Variants in MMP26 observed in about 807,000 individuals in gnomAD.
The protein encoded by MMP26 is matrix metalloproteinase-26.
A neutral mutation model predicts 31.0 loss-of-function variants in MMP26; 33 were observed. The observed-to-expected ratio is 1.06, with a 90% CI of 0.81 to 1.42. MMP26 has a LOEUF of 1.42. Among genes scored for constraint, MMP26 ranks in the 40% most tolerant of loss-of-function variants. The pLI is 0.00. For missense variants in MMP26, 347 were observed against 316.1 expected (o/e 1.10, Z -0.74); for synonymous variants, 122 against 114.9 (o/e 1.06, Z -0.40).
intron 2 of MMP26, among the ~76,000 whole-genome samples, chr11:4,799,320 AAG>A (rs1347847248): frequency 6.6e-6 from 1 of 152,092 alleles, no homozygotes; most frequent in African/African-American, 2.4e-5. Flanking sequence ...GTGGAAGGCA[AAG>A]AGAGAGCTGG....
chr11:4,854,548 T>G (rs1489543578), intron 2 of MMP26, among the ~76,000 whole-genome samples: 1 of 152,030 alleles, frequency 6.6e-6, no homozygotes, highest in Non-Finnish European at 1.5e-5. Flanking sequence ...CTTGAGTAGG[T>G]AAACAAAGCA....
At chr11:4,740,555 C>T (rs1488418602) in intron 1 of MMP26, among the ~76,000 whole-genome samples, 2 of 151,718 alleles carry the variant, frequency 1.3e-5, no homozygotes, top group African/African-American at 2.4e-5. Flanking sequence ...TGAGGGTGGG[C>T]GCCTGTAATC....
At chr11:4,820,829 T>C (rs926718493) in intron 2 of MMP26, among the ~76,000 whole-genome samples, 6 of 152,194 alleles carry the variant, frequency 3.9e-5, no homozygotes, top group Non-Finnish European at 8.8e-5. Context: ...AATTATATAA[T>C]GCATATAAAA....
At position 4,986,931 on chromosome 11, in the gene MMP26, CCCTCT is replaced by C. The variant is rs1846902484; in HGVS notation, c.-144-1135_-144-1131del. ...TCTCTCTCTCTCTCTCTCTCTCTCT[CCCTCT>C]CTCTCTCTCTCTCTCTCTCTCTCCC... On this transcript the variant is annotated intron_variant, in intron 2 of 7. Coordinates refer to ENST00000380390, the MANE Select transcript of MMP26 (RefSeq NM_021801.5). 4.7e-4 allele frequency among the ~76,000 whole-genome samples: 42 copies of C among 88,820 alleles called. 3 individuals carry two copies. The highest frequency in any genetic ancestry group is 1.8e-3 in the African/African-American group (40 of 22,476). 58.3% of individuals were successfully genotyped at this position (88,820 alleles called of 152,430 possible).
intron 2 of MMP26, among the ~76,000 whole-genome samples, chr11:4,984,254 A>G (rs1846855196): frequency 6.6e-6 from 1 of 152,184 alleles, no homozygotes; most frequent in South Asian, 2.1e-4. Flanking sequence ...ACTTCTATAC[A>G]TAACTTTGAG....
At chr11:4,934,777 T>C (rs1851408663) in intron 2 of MMP26, among the ~76,000 whole-genome samples, 2 of 149,834 alleles carry the variant, frequency 1.3e-5, no homozygotes, top group Admixed American at 1.3e-4. Flanking sequence ...GGGATCCAGT[T>C]TGAGCTTTCT....
intron 2 of MMP26, among the ~76,000 whole-genome samples, chr11:4,893,842 C>T (rs1816448): frequency 0.39 from 58,924 of 151,806 alleles, 13,188 homozygotes; most frequent in Non-Finnish European, 0.5. Context: ...TAAGCCATCA[C>T]ACCTGTAAGT....
chr11:4,766,797 A>C (rs1848637864), intron 1 of MMP26, among the ~76,000 whole-genome samples: 1 of 128,550 alleles, frequency 7.8e-6, no homozygotes, highest in Non-Finnish European at 1.5e-5. Flanking sequence ...TTTCTCTATG[A>C]CATTCATTTT....
intron 1 of MMP26, among the ~76,000 whole-genome samples, chr11:4,765,973 A>C (rs1848623532): frequency 6.6e-6 from 1 of 152,180 alleles, no homozygotes; most frequent in Non-Finnish European, 1.5e-5. Flanking sequence ...CTCAGTAGTA[A>C]ATTAGCTACA....
intron 2 of MMP26, chr11:4,871,895 C>T (rs1360796391): frequency 6.6e-6 from 1 of 152,112 alleles, no homozygotes; most frequent in Non-Finnish European, 1.5e-5. Context: ...GCCCAGTTCA[C>T]CCTTTTACCT....
At chr11:4,757,468 G>T (rs1848518436) in intron 1 of MMP26, among the ~76,000 whole-genome samples, 1 of 151,820 alleles carries the variant, frequency 6.6e-6, no homozygotes, top group Non-Finnish European at 1.5e-5. Context: ...TTAAATAAAT[G>T]ATCAATATCA....
At chr11:4,983,570 A>G (rs1846844952) in intron 2 of MMP26, among the ~76,000 whole-genome samples, 2 of 152,248 alleles carry the variant, frequency 1.3e-5, no homozygotes, top group Admixed American at 1.3e-4. Flanking sequence ...TCCTAGGCAC[A>G]GGCCAGATGT....
intron 2 of MMP26, among the ~76,000 whole-genome samples, chr11:4,906,028 A>T (rs1035526556): frequency 5.3e-5 from 8 of 152,186 alleles, no homozygotes; most frequent in African/African-American, 1.9e-4. Context: ...CAGAGATATA[A>T]GATTAAATAA....
chr11:4,941,127 A>G (rs1409160854), intron 2 of MMP26, among the ~76,000 whole-genome samples: 2 of 152,150 alleles, frequency 1.3e-5, no homozygotes, highest in Admixed American at 1.3e-4. Context: ...CTTTCACTCT[A>G]TCACTTGCCT....
intron 2 of MMP26, among the ~76,000 whole-genome samples, chr11:4,953,827 G>A (rs547528777): frequency 8.0e-6 from 1 of 125,122 alleles, no homozygotes; most frequent in South Asian, 2.4e-4. Flanking sequence ...CAAGGCAGGC[G>A]GATCACTTGA....
At chr11:4,778,569 C>T (rs1848818843) in intron 2 of MMP26, among the ~76,000 whole-genome samples, 1 of 151,964 alleles carries the variant, frequency 6.6e-6, no homozygotes, top group African/African-American at 2.4e-5. Flanking sequence ...AAAGCTTCAA[C>T]TTTATTCTTT....
In MMP26 at chr11:4,914,690, G is replaced by A. The variant is rs1851046073; in HGVS notation, c.-144-73378G>A. The A allele has an allele frequency of 3.3e-6, 5 of 1,508,092 alleles. No individual in the cohort carries two copies. In the South Asian group the frequency reaches 5.8e-5, roughly 18 times the overall value. The allele number at this position is 1,508,092 out of a possible 1,614,324, so 93.4% of individuals were successfully genotyped here. A position where few individuals can be genotyped will look rare whatever the true frequency, so the allele number is the denominator to read the frequency against. ...GATAGGCAAACAAGGGCACGTTTCA[G>A]GAGACAGTGGCTCTAACACTAGACA... is the stretch of plus-strand genomic sequence containing the variant. On this transcript the variant is annotated intron_variant, in intron 2 of 7. Coordinates refer to ENST00000380390, the MANE Select transcript of MMP26 (RefSeq NM_021801.5).
intron 2 of MMP26, among the ~76,000 whole-genome samples, chr11:4,953,583 C>A (rs886218738): frequency 8.0e-6 from 1 of 125,610 alleles, no homozygotes; most frequent in African/African-American, 2.7e-5. Context: ...GAATGCCTTA[C>A]ACAAAATTGG....
intron 2 of MMP26, among the ~76,000 whole-genome samples, chr11:4,949,958 T>C (rs1173636387): frequency 8.1e-6 from 1 of 123,652 alleles, no homozygotes; most frequent in East Asian, 2.3e-4. Flanking sequence ...ATGAAAATTT[T>C]ACATTTCAAT....
Sources: allele counts gnomAD v4.1 joint callset (sites outside exome capture counted in the v4.1 genomes callset), GRCh38; gene constraint gnomAD v4.1.1; transcripts MANE v1.5; gene names NCBI Gene and HGNC (gene_info 2026-07-23, HGNC 2026-07-21).